ALAS1: variants seen among roughly 807,000 people sequenced by gnomAD.
ALAS1 encodes 5-aminolevulinate synthase, non-specific, mitochondrial.
A neutral mutation model predicts 59.6 loss-of-function variants in ALAS1; 29 were observed. That is an observed-to-expected ratio of 0.49 (90% confidence interval 0.36 to 0.66). The LOEUF is 0.66. Among genes scored for constraint, ALAS1 ranks in the 30% least tolerant of loss-of-function variants. The probability of loss-of-function intolerance (pLI) is 0.00; values close to 1 mark genes in which losing one functional copy is unlikely to be tolerated. For synonymous variants in ALAS1, 299 were observed against 296.6 expected (o/e 1.01, Z -0.08); for missense variants, 690 against 807.5 (o/e 0.85, Z 1.76).
At position 52,207,159 on chromosome 3, in the gene ALAS1, A is replaced by G. The variant is rs1170012527; in HGVS notation, c.1165+408A>G. 2.0e-5 allele frequency among the ~76,000 whole-genome samples: 3 copies of G among 152,008 alleles called. No individual in the cohort carries two copies. The South Asian group carries it at 6.2e-4, about 32-fold the overall frequency. On this transcript the variant is annotated intron_variant, in intron 8 of 11. Coordinates refer to ENST00000484952, the MANE Select transcript of ALAS1 (RefSeq NM_000688.6). ...GCTGGGACTACAGGCGCCTGCCACCACGCCCAGCTAATTTTTTGTATTTTT... is the reference window on the plus strand; with the variant it reads ...GCTGGGACTACAGGCGCCTGCCACCGCGCCCAGCTAATTTTTTGTATTTTT...
chr3:52,212,181 G>T lies in ALAS1; in HGVS notation c.1600-77G>T, dbSNP rs549582981. ...TGGTCTTGAGCCTGAGCGTTGTGGG[G>T]ACTGCGTTCGTTAGGATCTCTGCTA... On this transcript the variant is annotated intron_variant, in intron 10 of 11. Transcript: ENST00000484952. 39 of 1,359,134 alleles carry T rather than the reference G, an allele frequency of 2.9e-5. No homozygotes were observed. In the African/African-American group the frequency reaches 5.2e-4, roughly 18 times the overall value. The allele number at this position is 1,359,134 out of a possible 1,614,324, so 84.2% of individuals were successfully genotyped here. A position where few individuals can be genotyped will look rare whatever the true frequency, so the allele number is the denominator to read the frequency against.
intron 9 of ALAS1, among the ~76,000 whole-genome samples, chr3:52,210,098 G>A (rs1005422740): frequency 6.6e-6 from 1 of 152,200 alleles, no homozygotes; most frequent in Non-Finnish European, 1.5e-5. Context: ...CAAGAGTTTT[G>A]TTCTTAAGTA....
chr3:52,199,096 A>G, intron 2 of ALAS1, 114 bp from the exon 3 acceptor site: 1 of 1,106,922 alleles, frequency 9.0e-7, no homozygotes, highest in South Asian at 1.5e-5. Flanking sequence ...TTGAGGGAGA[A>G]GTGTTAGTAT....
chr3:52,204,079 T>C, intron 5 of ALAS1, 67 bp downstream of exon 5: 1 of 1,497,292 alleles, frequency 6.7e-7, no homozygotes, highest in Non-Finnish European at 9.0e-7. Context: ...TTAGATTAAA[T>C]ATAAAATTGC....
chr3:52,203,550 A>C (rs540007263), intron 4 of ALAS1, among the ~76,000 whole-genome samples: 1 of 151,930 alleles, frequency 6.6e-6, no homozygotes, highest in East Asian at 1.9e-4. Context: ...CAAAAAAAAA[A>C]AAACAGAAAA....
Position 52,208,128 on chromosome 3 carries a change from T to A in ALAS1, c.1211T>A (p.Phe404Tyr). The change falls in exon 9 of 12, where the codon TTT becomes TAT. Residue 404 changes from phenylalanine to tyrosine, a missense_variant. Coordinates refer to ENST00000484952, the MANE Select transcript of ALAS1 (RefSeq NM_000688.6). The part of the protein sequence containing the change: ...LEELCDVAHE[F>Y]GAITFVDEVH... ...GAGCTGTGTGATGTGGCCCATGAGT[T>A]TGGAGCAATCACCTTCGTGGATGAG... 1 of 1,609,472 alleles carries A rather than the reference T, an allele frequency of 6.2e-7. No homozygotes were observed. Among genetic ancestry groups the A allele is most frequent in the East Asian group, 2.2e-5 (1 of 44,850 alleles).
Position 52,199,317 on chromosome 3 carries a change from C to G in ALAS1, c.76C>G (p.Leu26Val). The change falls in exon 3 of 12, where the codon CTG becomes GTG. Residue 26 changes from leucine (L) to valine (V), a missense_variant. Transcript: ENST00000484952. Reference protein sequence around the residue: ...QAFLQKAGKSLLFYAQNCPKM... With the variant: ...QAFLQKAGKSVLFYAQNCPKM... ...CTTTCTGCAGAAAGCAGGCAAATCT[C>G]TGTTGTTCTATGCCCAAAACTGCCC... is the stretch of plus-strand genomic sequence containing the variant. 6.2e-7 allele frequency: 1 copy of G among 1,614,230 alleles called. No individual in the cohort carries two copies. The highest frequency in any genetic ancestry group is 8.5e-7 in the Non-Finnish European group (1 of 1,180,038).
intron 4 of ALAS1, 108 bp from the exon 5 acceptor site, chr3:52,203,755 C>T: frequency 7.5e-7 from 1 of 1,338,476 alleles, no homozygotes; most frequent in East Asian, 2.5e-5. Flanking sequence ...TATGCTTGGC[C>T]TTTTTTGTGA....
rs1699403755 is a variant in ALAS1 at position 52,211,406 on chromosome 3, C to T, written c.1454C>T (p.Ala485Val). 3 of 1,614,200 alleles carry T rather than the reference C, an allele frequency of 1.9e-6. No individual in the cohort carries two copies. Among genetic ancestry groups the T allele is most frequent in the Non-Finnish European group, 2.5e-6 (3 of 1,180,038 alleles). The change falls in exon 10 of 12, where the codon GCC (alanine) becomes GTC (valine). Residue 485 changes from alanine to valine, a missense_variant. Ala to Val is a moderately conservative substitution (Grantham distance 64, BLOSUM62 0). Transcript: ENST00000484952. ...CTGCCACCCATGCTGCTGGCTGGAG[C>T]CCTGGAGTCTGTGCGGATCCTGAAG... Reference protein sequence around the residue: ...TSLPPMLLAGALESVRILKSA... With the variant: ...TSLPPMLLAGVLESVRILKSA...
At position 52,210,626 on chromosome 3, in the gene ALAS1, T is replaced by G. The variant is rs6763732; in HGVS notation, c.1331-657T>G. On this transcript the variant is annotated intron_variant, in intron 9 of 11. Transcript: ENST00000484952. ...CTCCTCTCTACACAAAATAAAAATTTAAAAAATCAGCCAGGCATGGTGGTG... is the reference window on the plus strand; with the variant it reads ...CTCCTCTCTACACAAAATAAAAATTGAAAAAATCAGCCAGGCATGGTGGTG... Among the ~76,000 whole-genome samples the G allele has an allele frequency of 5.3e-5, 8 of 151,922 alleles. No individual in the cohort carries two copies. In the East Asian group the frequency reaches 1.5e-3, roughly 29 times the overall value.
chr3:52,211,216 A>G (rs573054755), intron 9 of ALAS1, 67 bp from the exon 10 acceptor site: 2 of 1,570,198 alleles, frequency 1.3e-6, no homozygotes, highest in East Asian at 2.2e-5. Context: ...GCTCCACAAC[A>G]CCTTGCTGTG....
At chr3:52,198,938 G>T (rs1044678512) in intron 2 of ALAS1, 90 bp downstream of exon 2, 18 of 1,413,780 alleles carry the variant, frequency 1.3e-5, no homozygotes, top group Admixed American at 2.0e-5. Flanking sequence ...TCATCCTTCC[G>T]CCCCCTTGAT....
chr3:52,200,990 G>A (rs1577961444), intron 3 of ALAS1, among the ~76,000 whole-genome samples: 1 of 151,956 alleles, frequency 6.6e-6, no homozygotes, highest in Non-Finnish European at 1.5e-5. Flanking sequence ...TTAAATGATA[G>A]GATTTTTTTC....
In ALAS1 at chr3:52,202,620, G is replaced by A; in HGVS notation, c.313G>A (p.Ala105Thr). Reference sequence around the variant, plus strand: ...CTTGCCTGCCACAAGCCAGGGCACTGCAAGCAAATGCCCTTTCCTGGCAGC... The same window carrying A: ...CTTGCCTGCCACAAGCCAGGGCACTACAAGCAAATGCCCTTTCCTGGCAGC... The part of the protein sequence containing the change: ...HPLPATSQGT[A>T]SKCPFLAAQM... Residue 105 changes from alanine (A) to threonine (T), a missense_variant, in exon 4 of 12, where the codon GCA becomes ACA. Transcript: ENST00000484952. 6.2e-7 allele frequency: 1 copy of A among 1,614,212 alleles called. No individual in the cohort carries two copies. Among genetic ancestry groups the A allele is most frequent in the South Asian group, 1.1e-5 (1 of 91,086 alleles).
rs760777659 is a variant in ALAS1, at chr3:52,199,406, C to A, written c.165C>A (p.Tyr55Ter). 6.2e-7 allele frequency: 1 copy of A among 1,614,174 alleles called. No homozygotes were observed. The highest frequency in any genetic ancestry group is 1.1e-5 in the South Asian group (1 of 91,078). The change falls in exon 3 of 12, where the codon TAC (tyrosine) becomes TAA (stop). Residue 55 changes from tyrosine (Y) to a stop codon, truncating the protein, a stop_gained. Coordinates refer to ENST00000484952, the MANE Select transcript of ALAS1 (RefSeq NM_000688.6). LOFTEE classifies it high-confidence loss of function. ...CATTGTCCACTGCAGCAGTACACTACCAACAGATCAAAGAAACCCCTCCGG... is the reference window on the plus strand; with the variant it reads ...CATTGTCCACTGCAGCAGTACACTAACAACAGATCAAAGAAACCCCTCCGG... ...PRALSTAAVH[Y>*]QQIKETPPAS...
intron 11 of ALAS1, among the ~76,000 whole-genome samples, chr3:52,212,718 A>T (rs1699437747): frequency 6.6e-6 from 1 of 151,854 alleles, no homozygotes; most frequent in South Asian, 2.1e-4. Context: ...TTTAGTAGAG[A>T]TGGGGTTTCT....
upstream of ALAS1, chr3:52,198,142 GC>G: frequency 2.5e-6 from 1 of 398,390 alleles, no homozygotes; most frequent in East Asian, 3.6e-5. Flanking sequence ...ATATTAAGGC[GC>G]CGGCGATCGC....
At chr3:52,203,738 C>T (rs887570779) in intron 4 of ALAS1, 125 bp from the exon 5 acceptor site, 17 of 1,053,140 alleles carry the variant, frequency 1.6e-5, no homozygotes, top group East Asian at 2.5e-5. Context: ...TTATAACTAA[C>T]TTTGGTTATG....
chr3:52,203,845 T>C lies in ALAS1; in HGVS notation c.428-18T>C, dbSNP rs1699238727. 6.4e-7 allele frequency: 1 copy of C among 1,562,460 alleles called. No homozygotes were observed. The highest frequency in any genetic ancestry group is 2.0e-5 in the Admixed American group (1 of 49,582). On this transcript the variant is annotated intron_variant, in intron 4 of 11. Transcript: ENST00000484952. ...ATAGAAAGTTGGTCCCATTTGTTTC[T>C]TGTTACTTTTGTTCCAGAGGTTGCT... is the stretch of plus-strand genomic sequence containing the variant.
Sources: gnomAD v4.1 joint callset for allele counts (sites outside exome capture counted in the v4.1 genomes callset) on GRCh38, gnomAD v4.1.1 for gene constraint, MANE v1.5 for transcripts, NCBI Gene and HGNC (gene_info 2026-07-23, HGNC 2026-07-21) for gene names.